The following PIK3CD variants were observed in gnomAD, a reference collection of about 807,000 sequenced individuals.
The protein encoded by PIK3CD is phosphatidylinositol 4,5-bisphosphate 3-kinase catalytic subunit delta isoform.
In PIK3CD, 20 loss-of-function variants were observed where a neutral mutation model predicts 122.9. The observed-to-expected ratio is 0.16, with a 90% confidence interval of 0.11 to 0.24. The LOEUF is 0.24. PIK3CD is among the 10% of genes least tolerant of loss of function. The pLI is 1.00. For missense variants in PIK3CD, 787 were observed against 1,406.3 expected, an observed-to-expected ratio of 0.56 and a Z score of 7.04; for synonymous variants, 596 against 593.4, an observed-to-expected ratio of 1.00 and a Z score of -0.06.
At chr1:9,658,429 G>A (rs1644920408) in intron 1 of PIK3CD, among the ~76,000 whole-genome samples, 1 of 151,492 alleles carries the variant, frequency 6.6e-6, no homozygotes, top group South Asian at 2.1e-4. Context: ...GTGAGGGTGG[G>A]GCTGGGTGAG....
rs200153890 is a variant in PIK3CD at position 9,668,441 on chromosome 1, C to CT, written c.-138+16653dup. On this transcript the variant is annotated intron_variant, in intron 1 of 23. Coordinates refer to ENST00000377346, the MANE Select transcript of PIK3CD (RefSeq NM_005026.5). ...TCTGTAAATATTAGCTGTTCTTATTCTTTTTTTTTTTTTTGGTTTGGCAAA... is the reference window on the plus strand; with the variant it reads ...TCTGTAAATATTAGCTGTTCTTATTCTTTTTTTTTTTTTTTGGTTTGGCAAA... Among the ~76,000 whole-genome samples the CT allele has an allele frequency of 6.7e-3, 898 of 133,968 alleles. 5 individuals are homozygous for CT. Among genetic ancestry groups the CT allele is most frequent in the African/African-American group, 0.015 (560 of 36,762 alleles). 87.9% of individuals were successfully genotyped at this position (133,968 alleles called of 152,430 possible).
In PIK3CD at chr1:9,689,474, G is replaced by A. The variant is rs1464114213; in HGVS notation, c.-137-1993G>A. On this transcript the variant is annotated intron_variant, in intron 1 of 23. Coordinates refer to ENST00000377346, the MANE Select transcript of PIK3CD (RefSeq NM_005026.5). This position sits in a 1 kb window ranked among gnomAD's most constrained non-coding sequence, Gnocchi z 6.1. ...CCGGCCCCGGCCCCGCCCCAGCCCC[G>A]AGGACGCCCCGCCCCCAGCCGGCGC... is the stretch of plus-strand genomic sequence containing the variant. 3.3e-5 allele frequency among the ~76,000 whole-genome samples: 2 copies of A among 60,870 alleles called. No homozygotes were observed. The highest frequency in any genetic ancestry group is 6.5e-5 in the African/African-American group (1 of 15,404). 39.9% of individuals were successfully genotyped at this position (60,870 alleles called of 152,430 possible).
intron 2 of PIK3CD, among the ~76,000 whole-genome samples, chr1:9,698,422 G>A (rs889149930): frequency 8.5e-5 from 13 of 152,212 alleles, no homozygotes; most frequent in Admixed American, 2.6e-4. Flanking sequence ...GATTACAGGC[G>A]TGAGCCACCA....
At chr1:9,643,130 C>A in the PIK3CD span, among the ~76,000 whole-genome samples, 17 of 150,886 alleles carry the variant, frequency 1.1e-4, no homozygotes, top group Non-Finnish European at 2.2e-4. Context: ...AAGGAAAGGC[C>A]AGGCATGGTG....
the PIK3CD span, among the ~76,000 whole-genome samples, chr1:9,627,799 G>A: frequency 6.6e-6 from 1 of 152,190 alleles, no homozygotes; most frequent in Non-Finnish European, 1.5e-5. Context: ...CTGCCCAAAG[G>A]CAGTAGAGAG....
chr1:9,652,195 C>T lies in PIK3CD; in HGVS notation c.-138+393C>T, dbSNP rs1485039003. On this transcript the variant is annotated intron_variant, in intron 1 of 23. Transcript: ENST00000377346. This position sits in a 1 kb window ranked among gnomAD's most constrained non-coding sequence, Gnocchi z 6.2. ...GAGGCGCGAGGATACTGGAAGCGCTCAGCGCGTGCGCCCGCTCCGAGCGCT... is the reference window on the plus strand; with the variant it reads ...GAGGCGCGAGGATACTGGAAGCGCTTAGCGCGTGCGCCCGCTCCGAGCGCT... 6.6e-6 allele frequency among the ~76,000 whole-genome samples: 1 copy of T among 152,178 alleles called. No individual in the cohort carries two copies. The highest frequency in any genetic ancestry group is 2.4e-5 in the African/African-American group (1 of 41,460).
chr1:9,658,153 A>G (rs1644911242), intron 1 of PIK3CD, among the ~76,000 whole-genome samples: 1 of 152,126 alleles, frequency 6.6e-6, no homozygotes, highest in African/African-American at 2.4e-5. Flanking sequence ...GAAGCTAAGG[A>G]AGGAGGATCA....
intron 1 of PIK3CD, among the ~76,000 whole-genome samples, chr1:9,656,086 C>T (rs1644848407): frequency 1.3e-5 from 2 of 152,010 alleles, no homozygotes; most frequent in African/African-American, 4.8e-5. Context: ...CTGTTTCACT[C>T]ATATTGGGGG....
At chr1:9,657,955 C>G (rs909995477) in intron 1 of PIK3CD, among the ~76,000 whole-genome samples, 2 of 151,936 alleles carry the variant, frequency 1.3e-5, no homozygotes, top group African/African-American at 4.8e-5. Context: ...CCAGGGCTCT[C>G]TGGAAGGGCT....
At chr1:9,653,893 G>A in intron 1 of PIK3CD, 1 of 1,367,338 alleles carries the variant, frequency 7.3e-7, no homozygotes, top group Non-Finnish European at 9.8e-7. Context: ...CACTGGAGTG[G>A]GCTGGAGGAG....
Position 9,722,106 on chromosome 1 carries a change from C to T in PIK3CD, c.2187C>T (p.Ser729=), listed in dbSNP as rs1226906339. The T allele has an allele frequency of 6.2e-7, 1 of 1,613,294 alleles. No homozygotes were observed. The highest frequency in any genetic ancestry group is 8.5e-7 in the Non-Finnish European group (1 of 1,179,974). Residue 729 remains serine (S), a synonymous_variant, in exon 17 of 24, where the codon TCC becomes TCT. Coordinates refer to ENST00000377346, the MANE Select transcript of PIK3CD (RefSeq NM_005026.5). This position sits in a 1 kb window ranked among gnomAD's most constrained non-coding sequence, Gnocchi z 7.6. ...AGGAGGCCTACCTAGAGGCCCTCTC[C>T]CACCTGCAGTCCCCACTCGACCCCA... The part of the protein sequence containing the change: ...MRQEAYLEAL[S]HLQSPLDPST...
At position 9,683,057 on chromosome 1, in the gene PIK3CD, G is replaced by T. The variant is rs576290381; in HGVS notation, c.-137-8410G>T. On this transcript the variant is annotated intron_variant, in intron 1 of 23. Transcript: ENST00000377346. ...TGGACCTTTTTTTTTTTTTTTTTTG[G>T]GGGGCTGGGTCTCGCTAAGATGGCA... 9.1e-3 allele frequency among the ~76,000 whole-genome samples: 1,087 copies of T among 120,076 alleles called. 26 individuals are homozygous for T. Among genetic ancestry groups the T allele is most frequent in the Admixed American group, 0.042 (515 of 12,342 alleles). 78.8% of individuals were successfully genotyped at this position (120,076 alleles called of 152,430 possible).
chr1:9,702,540 G>GGCAGAGTT (rs1646684645), intron 2 of PIK3CD, among the ~76,000 whole-genome samples: 1 of 12,368 alleles, frequency 8.1e-5, no homozygotes, highest in Non-Finnish European at 2.6e-4. Flanking sequence ...TTTTTTTTGA[G>GGCAGAGTT]GCAGAGTTTT....
rs78845575 is a variant in PIK3CD at position 9,723,455 on chromosome 1, G to T, written c.2594+163G>T. ...CTGTGTCTGGGTTGGGGTGAGGTAG[G>T]TCTCTCTTCCCCAAGTATCAGTGTC... On this transcript the variant is annotated intron_variant, in intron 20 of 23. Transcript: ENST00000377346. This position sits in a 1 kb window ranked among gnomAD's most constrained non-coding sequence, Gnocchi z 4.9. 1.1e-3 allele frequency among the ~76,000 whole-genome samples: 166 copies of T among 152,316 alleles called. 1 individual carries two copies. Among genetic ancestry groups the T allele is most frequent in the African/African-American group, 3.9e-3 (161 of 41,578 alleles).
In PIK3CD at chr1:9,704,536, A is replaced by G. The variant is rs1245076667; in HGVS notation, c.-32-5888A>G. The stretch of plus-strand genomic sequence containing the variant: ...TTTTGTTTTGTTTTGTTTTTGAGAC[A>G]GGGTCTCACTCTATTGCCCAGGCTG... On this transcript the variant is annotated intron_variant, in intron 2 of 23. Coordinates refer to ENST00000377346, the MANE Select transcript of PIK3CD (RefSeq NM_005026.5). This position sits in a 1 kb window ranked among gnomAD's most constrained non-coding sequence, Gnocchi z 5.0. Among the ~76,000 whole-genome samples, 1 of 152,118 alleles carries G rather than the reference A, an allele frequency of 6.6e-6. No individual in the cohort carries two copies. Among genetic ancestry groups the G allele is most frequent in the Non-Finnish European group, 1.5e-5 (1 of 68,022 alleles).
At chr1:9,685,881 T>C (rs1243268763) in intron 1 of PIK3CD, among the ~76,000 whole-genome samples, 1 of 152,168 alleles carries the variant, frequency 6.6e-6, no homozygotes, top group Non-Finnish European at 1.5e-5. Flanking sequence ...TTTCTGACTT[T>C]AGCCTTCCTG....
intron 2 of PIK3CD, among the ~76,000 whole-genome samples, chr1:9,695,668 C>T (rs1206352442): frequency 1.3e-5 from 2 of 151,908 alleles, no homozygotes; most frequent in Non-Finnish European, 2.9e-5. Context: ...ATGGTGAAAC[C>T]CTGTCTCTAC....
rs1315288471 is a variant in PIK3CD, at chr1:9,715,709, C to T, written c.310C>T (p.Arg104Cys). The T allele has an allele frequency of 7.4e-6, 12 of 1,613,474 alleles. No homozygotes were observed. Among genetic ancestry groups the T allele is most frequent in the African/African-American group, 1.3e-5 (1 of 74,956 alleles). The change falls in exon 4 of 24, where the codon CGT becomes TGT. Residue 104 changes from arginine (R) to cysteine (C), a missense_variant. Transcript: ENST00000377346. This position sits in a 1 kb window ranked among gnomAD's most constrained non-coding sequence, Gnocchi z 4.1. Reference sequence around the variant, plus strand: ...CCTGCCCGTCCTGCGCCTGGTGGCCCGTGAGGGCGACCGCGTGAAGAAGCT... The same window carrying T: ...CCTGCCCGTCCTGCGCCTGGTGGCCTGTGAGGGCGACCGCGTGAAGAAGCT... The part of the protein sequence containing the change: ...PFLPVLRLVA[R>C]EGDRVKKLIN...
At chr1:9,686,842 G>A (rs893473874) in intron 1 of PIK3CD, among the ~76,000 whole-genome samples, 3 of 152,200 alleles carry the variant, frequency 2.0e-5, no homozygotes, top group Non-Finnish European at 2.9e-5. Flanking sequence ...CCTTGTGTCT[G>A]TTATCCATGT....
Sources: gnomAD v4.1 joint callset for allele counts (sites outside exome capture counted in the v4.1 genomes callset) on GRCh38, gnomAD v4.1.1 for gene constraint, Gnocchi (gnomAD v3.1) non-coding constraint, MANE v1.5 for transcripts, NCBI Gene and HGNC (gene_info 2026-07-23, HGNC 2026-07-21) for gene names.